The following KRABD3 variants were observed in gnomAD, a reference collection of about 807,000 sequenced individuals.
The protein encoded by KRABD3 is KRAB domain containing 3, also known as KRAB domain-containing protein 3.
the KRABD3 span, chr7:149,734,009 G>T: frequency 6.2e-7 from 1 of 1,610,974 alleles, no homozygotes; most frequent in Non-Finnish European, 8.5e-7. Context: ...AGAACTGTGG[G>T]GTGGGGAGCA....
the KRABD3 span, among the ~76,000 whole-genome samples, chr7:149,718,840 A>G: frequency 2.6e-5 from 4 of 152,280 alleles, no homozygotes; most frequent in East Asian, 7.7e-4. Context: ...AAAGAAACAT[A>G]GACAAAAATG....
chr7:149,727,912 C>T, the KRABD3 span, among the ~76,000 whole-genome samples: 933 of 152,350 alleles, frequency 6.1e-3, 6 homozygotes, highest in African/African-American at 0.021. Flanking sequence ...TGCCCTCCCG[C>T]CCTGTGCCTG....
At chr7:149,719,713 T>G in the KRABD3 span, 1 of 1,578,060 alleles carries the variant, frequency 6.3e-7, no homozygotes, top group Admixed American at 2.0e-5. The surrounding 1 kb of genome is among the most constrained non-coding windows in gnomAD (Gnocchi z 5.6). Context: ...AGGAGCCTGG[T>G]GGGCGGTGGA....
the KRABD3 span, chr7:149,729,219 T>C: frequency 6.3e-6 from 10 of 1,580,486 alleles, no homozygotes; most frequent in Non-Finnish European, 8.6e-6. Context: ...AGTCAGCCCG[T>C]CTCGGGCAGG....
chr7:149,724,825 C>T, the KRABD3 span: 2 of 1,592,274 alleles, frequency 1.3e-6, no homozygotes, highest in Admixed American at 1.7e-5. Flanking sequence ...GGTCCCCCAA[C>T]CCAGCTGGGG....
the KRABD3 span, chr7:149,723,768 C>G: frequency 6.2e-7 from 1 of 1,613,940 alleles, no homozygotes; most frequent in Non-Finnish European, 8.5e-7. Flanking sequence ...ATTGTCCCCT[C>G]CAGGGTCTGC....
the KRABD3 span, among the ~76,000 whole-genome samples, chr7:149,732,498 C>T: frequency 1.3e-5 from 2 of 152,196 alleles, no homozygotes; most frequent in South Asian, 2.1e-4. The surrounding 1 kb of genome is among the most constrained non-coding windows in gnomAD (Gnocchi z 4.0). Flanking sequence ...TCTCTGCGCC[C>T]GGCCTGGGGC....
chr7:149,725,730 T>C, the KRABD3 span, among the ~76,000 whole-genome samples: 2 of 152,360 alleles, frequency 1.3e-5, no homozygotes, highest in Middle Eastern at 3.4e-3. Context: ...GTGGGGTTTC[T>C]GTGGGTCACG....
At chr7:149,722,146 T>A in the KRABD3 span, 2 of 491,964 alleles carry the variant, frequency 4.1e-6, no homozygotes, top group African/African-American at 1.9e-5. Flanking sequence ...AGCGTGAGTG[T>A]GAGATTGTGG....
the KRABD3 span, chr7:149,729,362 TC>T: frequency 6.7e-7 from 1 of 1,495,564 alleles, no homozygotes. Context: ...TGGAGGTGGC[TC>T]CCAGAGGGTG....
At chr7:149,722,902 G>C in the KRABD3 span, 2 of 1,613,280 alleles carry the variant, frequency 1.2e-6, no homozygotes, top group African/African-American at 2.7e-5. Context: ...CCCTAGCCTG[G>C]GCACGTCCAG....
chr7:149,725,960 C>T, the KRABD3 span: 39 of 1,605,006 alleles, frequency 2.4e-5, no homozygotes, highest in South Asian at 4.3e-4. Context: ...GGCCCCTGGC[C>T]CCCCGAGGAA....
the KRABD3 span, chr7:149,724,625 G>C: frequency 1.3e-6 from 2 of 1,484,278 alleles, no homozygotes; most frequent in Non-Finnish European, 1.8e-6. Flanking sequence ...CCTGAACCTT[G>C]GGCTTCCCAA....
the KRABD3 span, chr7:149,722,343 T>C: frequency 6.4e-7 from 1 of 1,551,858 alleles, no homozygotes; most frequent in Non-Finnish European, 8.7e-7. Context: ...GGCTGTCCTC[T>C]ATGGGAACCA....
At chr7:149,715,430 A>G in the KRABD3 span, 19 of 929,090 alleles carry the variant, frequency 2.0e-5, no homozygotes, top group Non-Finnish European at 2.5e-5. Flanking sequence ...AGAAACAAAG[A>G]TAGAACAAAC....
chr7:149,730,807 G>A, the KRABD3 span: 4 of 568,814 alleles, frequency 7.0e-6, no homozygotes, highest in East Asian at 8.5e-5. Flanking sequence ...CCACGTACAC[G>A]GTGTTTGCGC....
the KRABD3 span, chr7:149,734,023 G>A: frequency 1.9e-6 from 3 of 1,608,534 alleles, no homozygotes; most frequent in Non-Finnish European, 1.7e-6. Context: ...GGGAGCACAG[G>A]GACCCGAGAT....
chr7:149,722,321 G>A, the KRABD3 span: 1 of 1,515,030 alleles, frequency 6.6e-7, no homozygotes, highest in Non-Finnish European at 8.9e-7. Flanking sequence ...AGGGACTTGG[G>A]TGGCTGGAGA....
the KRABD3 span, chr7:149,715,439 A>C: frequency 1.2e-6 from 1 of 852,400 alleles, no homozygotes; most frequent in Non-Finnish European, 1.4e-6. Context: ...GATAGAACAA[A>C]CCCCAAGTTT....
Sources: gnomAD v4.1 joint callset for allele counts (sites outside exome capture counted in the v4.1 genomes callset) on GRCh38, gnomAD v4.1.1 for gene constraint, Gnocchi (gnomAD v3.1) non-coding constraint, MANE v1.5 for transcripts, NCBI Gene and HGNC (gene_info 2026-07-23, HGNC 2026-07-21) for gene names.